OPCML: variants seen among roughly 807,000 people sequenced by gnomAD.
OPCML encodes opioid-binding protein/cell adhesion molecule.
OPCML carries 13 observed loss-of-function variants against 37.8 expected under a neutral mutation model. The ratio of observed to expected loss-of-function variants is 0.34; its 90% CI spans 0.22 to 0.55. The LOEUF (loss-of-function observed/expected upper bound fraction) is 0.55. OPCML is among the 20% of genes least tolerant of loss of function. The pLI, the probability that OPCML is intolerant of heterozygous loss-of-function variation, is 0.91. For missense variants in OPCML, 341 were observed against 435.6 expected (o/e 0.78, Z 1.93); for synonymous variants, 176 against 168.8 (o/e 1.04, Z -0.33).
intron 4 of OPCML, among the ~76,000 whole-genome samples, chr11:132,500,574 TTTTAC>T (rs1208735714): frequency 6.6e-6 from 1 of 152,206 alleles, no homozygotes; most frequent in African/African-American, 2.4e-5. Flanking sequence ...ATTTATTTTG[TTTTAC>T]TTTAAGTTCT....
intron 1 of OPCML, among the ~76,000 whole-genome samples, chr11:133,316,804 A>T (rs189194641): frequency 6.6e-6 from 1 of 152,344 alleles, no homozygotes; most frequent in Admixed American, 6.5e-5. Flanking sequence ...CATTAAAGAA[A>T]TTATGACTTC....
intron 1 of OPCML, among the ~76,000 whole-genome samples, chr11:133,441,708 A>G (rs1591504679): frequency 6.6e-6 from 1 of 152,166 alleles, no homozygotes; most frequent in African/African-American, 2.4e-5. Flanking sequence ...AGATTTGATG[A>G]AAGAAGAATT....
chr11:132,767,295 G>T (rs1008064104), intron 2 of OPCML, among the ~76,000 whole-genome samples: 3 of 152,108 alleles, frequency 2.0e-5, no homozygotes, highest in Non-Finnish European at 2.9e-5. Flanking sequence ...GTGTGTGCAC[G>T]CACACATGTG....
intron 3 of OPCML, among the ~76,000 whole-genome samples, chr11:132,623,736 G>T (rs769173242): frequency 6.6e-6 from 1 of 152,116 alleles, no homozygotes; most frequent in African/African-American, 2.4e-5. Flanking sequence ...GGTCAATTTG[G>T]ACAGCTGTGA....
At chr11:133,050,700 CCA>C (rs1948112916) in intron 1 of OPCML, among the ~76,000 whole-genome samples, 1 of 141,642 alleles carries the variant, frequency 7.1e-6, no homozygotes, top group African/African-American at 2.6e-5. Context: ...AAATGGTCTA[CCA>C]GTTTCTTCTT....
At chr11:133,304,360 G>C (rs1463884668) in intron 1 of OPCML, among the ~76,000 whole-genome samples, 1 of 152,128 alleles carries the variant, frequency 6.6e-6, no homozygotes, top group Non-Finnish European at 1.5e-5. Flanking sequence ...CAAAAGACCT[G>C]ACAGGCCTGG....
At chr11:132,627,052 C>A (rs890107430) in intron 3 of OPCML, among the ~76,000 whole-genome samples, 10 of 151,914 alleles carry the variant, frequency 6.6e-5, no homozygotes, top group African/African-American at 1.4e-4. Flanking sequence ...ATAAGCAGAT[C>A]CATTCTATAT....
At chr11:133,404,558 C>G (rs1337687388) in intron 1 of OPCML, among the ~76,000 whole-genome samples, 3 of 152,196 alleles carry the variant, frequency 2.0e-5, no homozygotes, top group South Asian at 2.1e-4. Flanking sequence ...GATAAAGCAA[C>G]TTTCCCAAGG....
Position 133,340,683 on chromosome 11 carries a change from T to G in OPCML, c.61+191581A>C, listed in dbSNP as rs139827029. Among the ~76,000 whole-genome samples the G allele has an allele frequency of 5.8e-3, 881 of 151,342 alleles. 13 individuals carry two copies. Among genetic ancestry groups the G allele is most frequent in the African/African-American group, 0.02 (830 of 41,230 alleles). Reference sequence around the variant, plus strand: ...TTACATTTCCCTCTACCTCTTCTTTTTATTAATAGCCATTCTCGGTATAAC... The same window carrying G: ...TTACATTTCCCTCTACCTCTTCTTTGTATTAATAGCCATTCTCGGTATAAC... On this transcript the variant is annotated intron_variant, in intron 1 of 7. Transcript: ENST00000524381.
At chr11:133,512,628 C>A (rs1239984217) in intron 1 of OPCML, among the ~76,000 whole-genome samples, 1 of 152,184 alleles carries the variant, frequency 6.6e-6, no homozygotes, top group Non-Finnish European at 1.5e-5. Flanking sequence ...ATGTTTGGTT[C>A]CCCTGGCAAC....
intron 3 of OPCML, among the ~76,000 whole-genome samples, chr11:132,538,525 C>T (rs73035369): frequency 0.18 from 27,782 of 152,136 alleles, 3,154 homozygotes; most frequent in Middle Eastern, 0.34. Flanking sequence ...AAGCTCTGAA[C>T]TGTTCTCTTA....
intron 1 of OPCML, among the ~76,000 whole-genome samples, chr11:133,483,423 G>C (rs556393377): frequency 6.6e-6 from 1 of 151,974 alleles, no homozygotes; most frequent in South Asian, 2.1e-4. Flanking sequence ...TAAATAGATA[G>C]ATAATAGGCA....
At chr11:133,443,086 G>A (rs1946397617) in intron 1 of OPCML, among the ~76,000 whole-genome samples, 2 of 152,242 alleles carry the variant, frequency 1.3e-5, no homozygotes, top group African/African-American at 4.8e-5. Context: ...TGAACCCACA[G>A]AAAACGCAGA....
intron 4 of OPCML, among the ~76,000 whole-genome samples, chr11:132,450,710 C>T (rs1465635259): frequency 6.6e-6 from 1 of 152,078 alleles, no homozygotes; most frequent in Non-Finnish European, 1.5e-5. Flanking sequence ...AAATGCATGG[C>T]AGTAAAGAAA....
At chr11:133,126,698 C>T (rs931807394) in intron 1 of OPCML, among the ~76,000 whole-genome samples, 1 of 152,104 alleles carries the variant, frequency 6.6e-6, no homozygotes, top group Non-Finnish European at 1.5e-5. Context: ...TCTTTCAAGT[C>T]CATATTTTAA....
At chr11:133,160,494 C>A (rs1200902554) in intron 1 of OPCML, among the ~76,000 whole-genome samples, 4 of 152,214 alleles carry the variant, frequency 2.6e-5, no homozygotes, top group Non-Finnish European at 5.9e-5. Flanking sequence ...TGCCCTGAGC[C>A]TTCCTTGGAG....
intron 1 of OPCML, among the ~76,000 whole-genome samples, chr11:133,384,261 A>G (rs1051969222): frequency 6.4e-5 from 7 of 109,340 alleles, no homozygotes; most frequent in East Asian, 2.5e-4. Flanking sequence ...AAAAAAAAAA[A>G]AAAAGAAAAG....
chr11:132,711,228 T>A (rs1164945533), intron 2 of OPCML, among the ~76,000 whole-genome samples: 4 of 152,208 alleles, frequency 2.6e-5, no homozygotes, highest in Non-Finnish European at 4.4e-5. Context: ...TGAACCTTCA[T>A]ATGGTTCTCC....
intron 2 of OPCML, among the ~76,000 whole-genome samples, chr11:132,666,219 T>C (rs1182443177): frequency 2.6e-5 from 4 of 152,126 alleles, no homozygotes; most frequent in Non-Finnish European, 5.9e-5. Context: ...AGAGGAGGCA[T>C]GGCGCCACCA....
Sources: allele counts gnomAD v4.1 joint callset (sites outside exome capture counted in the v4.1 genomes callset), GRCh38; gene constraint gnomAD v4.1.1; transcripts MANE v1.5; gene names NCBI Gene and HGNC (gene_info 2026-07-23, HGNC 2026-07-21).